FIGN: variants seen among roughly 807,000 people sequenced by gnomAD.
FIGN encodes fidgetin, microtubule severing factor, also known as fidgetin.
In FIGN, 11 loss-of-function variants were observed where a neutral mutation model predicts 51.3. The observed-to-expected ratio is 0.21, with a 90% CI of 0.13 to 0.35. FIGN has a LOEUF of 0.35. FIGN is among the 10% of genes least tolerant of loss of function. The pLI is 1.00. For synonymous variants in FIGN, 407 were observed against 363.2 expected (o/e 1.12, Z -1.37); for missense variants, 857 against 943.6 (o/e 0.91, Z 1.20).
intron 2 of FIGN, among the ~76,000 whole-genome samples, chr2:163,664,995 A>G (rs1683750407): frequency 1.4e-5 from 2 of 145,916 alleles, no homozygotes; most frequent in Admixed American, 1.3e-4. Flanking sequence ...GAAATGAACT[A>G]TAGTTTTGTA....
At chr2:163,699,481 G>A (rs912752425) in intron 2 of FIGN, among the ~76,000 whole-genome samples, 1 of 133,652 alleles carries the variant, frequency 7.5e-6, no homozygotes, top group African/African-American at 2.7e-5. Flanking sequence ...TTTTAGGTTA[G>A]TGTATTTTCA....
intron 2 of FIGN, among the ~76,000 whole-genome samples, chr2:163,716,261 A>G (rs967858708): frequency 6.6e-6 from 1 of 152,256 alleles, no homozygotes; most frequent in Non-Finnish European, 1.5e-5. Flanking sequence ...ACAAGTCCAG[A>G]TTAAAAGCAT....
rs1691138997 is a variant in FIGN, at chr2:163,607,662, C to T, written c.*1890G>A. On this transcript the variant is annotated 3_prime_UTR_variant, in exon 3 of 3. Transcript: ENST00000333129. ...TAAATTTTTTTAAAAATGTACATCA[C>T]TTATTTATTGAATACATAAAATGCC... 6.6e-6 allele frequency: 1 copy of T among 152,382 alleles called. No individual in the cohort carries two copies. The highest frequency in any genetic ancestry group is 1.5e-5 in the Non-Finnish European group (1 of 67,996). The allele number at this position is 152,382 out of a possible 1,614,324, so 9.4% of individuals were successfully genotyped here.
Position 163,608,489 on chromosome 2 carries a change from G to A in FIGN, c.*1063C>T, listed in dbSNP as rs1691160291. 6.6e-6 allele frequency: 1 copy of A among 152,624 alleles called. No homozygotes were observed. The highest frequency in any genetic ancestry group is 1.5e-5 in the Non-Finnish European group (1 of 68,206). The allele number at this position is 152,624 out of a possible 1,614,324, so 9.5% of individuals were successfully genotyped here. A position where few individuals can be genotyped will look rare whatever the true frequency, so the allele number is the denominator to read the frequency against. On this transcript the variant is annotated 3_prime_UTR_variant, in exon 3 of 3. Transcript: ENST00000333129. The stretch of plus-strand genomic sequence containing the variant: ...AATAAAAAGGCAGTCATAGTTTTTA[G>A]GTACTGTGACTTTCAGGGTCCTAAA...
At chr2:163,635,678 T>G (rs1465837351) in intron 2 of FIGN, among the ~76,000 whole-genome samples, 1 of 152,202 alleles carries the variant, frequency 6.6e-6, no homozygotes, top group Non-Finnish European at 1.5e-5. Flanking sequence ...TGCATCCTAT[T>G]TGTAAAACTC....
chr2:163,646,794 A>G (rs999045909), intron 2 of FIGN, among the ~76,000 whole-genome samples: 2 of 152,238 alleles, frequency 1.3e-5, no homozygotes, highest in Non-Finnish European at 2.9e-5. Context: ...TTGCCAACAC[A>G]TCTCACTTTC....
chr2:163,666,823 GT>G (rs1239830625), intron 2 of FIGN, among the ~76,000 whole-genome samples: 4 of 151,644 alleles, frequency 2.6e-5, no homozygotes, highest in African/African-American at 9.7e-5. Flanking sequence ...TGACTTTGGG[GT>G]TTGAACATAA....
intron 2 of FIGN, among the ~76,000 whole-genome samples, chr2:163,649,333 A>C (rs1683433944): frequency 6.6e-6 from 1 of 152,120 alleles, no homozygotes; most frequent in Non-Finnish European, 1.5e-5. Context: ...CCCCAGCAGA[A>C]TTCAGCAGAA....
chr2:163,652,361 A>ACACACACACACACACAC (rs776188112), intron 2 of FIGN, among the ~76,000 whole-genome samples: 1 of 139,374 alleles, frequency 7.2e-6, no homozygotes, highest in African/African-American at 2.8e-5. Context: ...CACACACACA[A>ACACACACACACACACAC]ACACACACAC....
At chr2:163,713,888 A>G (rs1188213230) in intron 2 of FIGN, among the ~76,000 whole-genome samples, 1 of 152,202 alleles carries the variant, frequency 6.6e-6, no homozygotes, top group Admixed American at 6.5e-5. Context: ...GTAGAGCCTG[A>G]GCTAATTGCA....
intron 2 of FIGN, among the ~76,000 whole-genome samples, chr2:163,709,391 T>C (rs1684552705): frequency 6.6e-6 from 1 of 152,166 alleles, no homozygotes; most frequent in Admixed American, 6.6e-5. Flanking sequence ...AGTAAATAAA[T>C]GATTTGTCTA....
chr2:163,624,350 C>T (rs1456294987), intron 2 of FIGN, among the ~76,000 whole-genome samples: 1 of 151,420 alleles, frequency 6.6e-6, no homozygotes, highest in African/African-American at 2.4e-5. Context: ...AGAGAATAAC[C>T]TCCACAAACC....
At position 163,620,266 on chromosome 2, in the gene FIGN, C is replaced by T. The variant is rs145483244; in HGVS notation, c.26-8460G>A. Among the ~76,000 whole-genome samples the T allele has an allele frequency of 4.7e-3, 718 of 152,184 alleles. 4 individuals are homozygous for T. Among genetic ancestry groups the T allele is most frequent in the Non-Finnish European group, 6.7e-3 (454 of 68,014 alleles). ...AACCTTTAAAGTTGTTACTTTGCAG[C>T]CTTTCATTTCTTATGCCCTCTCTTT... is the stretch of plus-strand genomic sequence containing the variant. On this transcript the variant is annotated intron_variant, in intron 2 of 2. Coordinates refer to ENST00000333129, the MANE Select transcript of FIGN (RefSeq NM_018086.4).
intron 2 of FIGN, among the ~76,000 whole-genome samples, chr2:163,638,533 T>G (rs977172759): frequency 3.3e-5 from 5 of 152,158 alleles, no homozygotes; most frequent in Non-Finnish European, 5.9e-5. Context: ...CTTCAAATCC[T>G]CTTATTCTTT....
At chr2:163,732,154 A>G (rs1208757247) in intron 2 of FIGN, among the ~76,000 whole-genome samples, 1 of 152,174 alleles carries the variant, frequency 6.6e-6, no homozygotes, top group Non-Finnish European at 1.5e-5. Flanking sequence ...TGCATACAAC[A>G]TATTCATTAT....
chr2:163,697,465 C>T (rs1349860580), intron 2 of FIGN, among the ~76,000 whole-genome samples: 1 of 151,834 alleles, frequency 6.6e-6, no homozygotes, highest in East Asian at 1.9e-4. Flanking sequence ...GTGGTCCTCT[C>T]AGAGGCAAGT....
chr2:163,699,852 TAA>T (rs1684381520), intron 2 of FIGN, among the ~76,000 whole-genome samples: 2 of 152,296 alleles, frequency 1.3e-5, no homozygotes, highest in South Asian at 2.1e-4. Flanking sequence ...AAATAGTTTA[TAA>T]ATTGAATGAA....
At chr2:163,716,751 T>C (rs1327693448) in intron 2 of FIGN, among the ~76,000 whole-genome samples, 1 of 152,206 alleles carries the variant, frequency 6.6e-6, no homozygotes, top group Non-Finnish European at 1.5e-5. Context: ...CCTATCATAT[T>C]CAAAAATTAA....
intron 2 of FIGN, among the ~76,000 whole-genome samples, chr2:163,640,195 T>C (rs1367550438): frequency 1.3e-5 from 2 of 152,204 alleles, no homozygotes; most frequent in Non-Finnish European, 2.9e-5. Flanking sequence ...ATTTTTCTAA[T>C]TATGAAAAAA....
Sources: gnomAD v4.1 joint callset for allele counts (sites outside exome capture counted in the v4.1 genomes callset) on GRCh38, gnomAD v4.1.1 for gene constraint, MANE v1.5 for transcripts, NCBI Gene and HGNC (gene_info 2026-07-23, HGNC 2026-07-21) for gene names.